PCDHA12: variants seen among roughly 807,000 people sequenced by gnomAD.
The protein encoded by PCDHA12 is protocadherin alpha-12.
A neutral mutation model predicts 60.0 loss-of-function variants in PCDHA12; 44 were observed. The ratio of observed to expected loss-of-function variants is 0.73; its 90% CI spans 0.58 to 0.94. The LOEUF (loss-of-function observed/expected upper bound fraction) is 0.94, where lower values mean the gene tolerates loss of function less well. PCDHA12 is among the 40% of genes least tolerant of loss of function. PCDHA12 has a pLI of 0.00. For missense variants in PCDHA12, 1,276 were observed against 1,239.7 expected (o/e 1.03, Z -0.44); for synonymous variants, 569 against 553.0 (o/e 1.03, Z -0.40).
At chr5:140,968,653 C>T (rs1301566656) in intron 1 of PCDHA12, 1 of 1,614,150 alleles carries the variant, frequency 6.2e-7, no homozygotes, top group Non-Finnish European at 8.5e-7. Flanking sequence ...AGACTTCTGA[C>T]CTGGACCTCT....
In PCDHA12 at chr5:140,994,514, G is replaced by A. The variant is rs186617066; in HGVS notation, c.2515+11951G>A. On this transcript the variant is annotated intron_variant, in intron 3 of 3. Transcript: ENST00000398631. Reference sequence around the variant, plus strand: ...ACCCAGGAGTTTGAGAACAGCCTGGGCAACATGGCAAAACCCCATCTCTAC... The same window carrying A: ...ACCCAGGAGTTTGAGAACAGCCTGGACAACATGGCAAAACCCCATCTCTAC... Among the ~76,000 whole-genome samples, 76 of 150,406 alleles carry A rather than the reference G, an allele frequency of 5.1e-4. 1 individual carries two copies. The highest frequency in any genetic ancestry group is 8.8e-5 in the Non-Finnish European group (6 of 67,822).
At chr5:140,904,164 T>C (rs1475689291) in intron 1 of PCDHA12, among the ~76,000 whole-genome samples, 1 of 152,078 alleles carries the variant, frequency 6.6e-6, no homozygotes, top group Non-Finnish European at 1.5e-5. Flanking sequence ...CAGTTTGTAG[T>C]CTTTTATTCC....
At chr5:140,971,778 G>C (rs1346530602) in intron 1 of PCDHA12, among the ~76,000 whole-genome samples, 2 of 151,860 alleles carry the variant, frequency 1.3e-5, no homozygotes, top group Non-Finnish European at 2.9e-5. Context: ...TATTATTCAA[G>C]ATTATTCAAT....
chr5:140,885,670 C>T (rs1351720729), intron 1 of PCDHA12, among the ~76,000 whole-genome samples: 2 of 152,138 alleles, frequency 1.3e-5, no homozygotes, highest in African/African-American at 4.8e-5. Flanking sequence ...TATGAGCACT[C>T]TTTCTATCTC....
chr5:141,004,604 C>A (rs1282201587), intron 3 of PCDHA12, among the ~76,000 whole-genome samples: 1 of 152,176 alleles, frequency 6.6e-6, no homozygotes, highest in African/African-American at 2.4e-5. Context: ...GTGCTTAGGC[C>A]TCATGCAGAG....
chr5:140,927,848 G>T (rs1295513512), intron 1 of PCDHA12: 2 of 1,614,180 alleles, frequency 1.2e-6, no homozygotes, highest in Middle Eastern at 3.3e-4. Context: ...GGTGTCTTTG[G>T]TTTAGCTAGC....
chr5:140,929,166 C>T (rs782695019), intron 1 of PCDHA12: 1 of 1,614,146 alleles, frequency 6.2e-7, no homozygotes, highest in Non-Finnish European at 8.5e-7. Context: ...TCTATCGGGC[C>T]TCTCTGGGAC....
chr5:140,886,095 T>C (rs1229514130), intron 1 of PCDHA12, among the ~76,000 whole-genome samples: 2 of 152,200 alleles, frequency 1.3e-5, no homozygotes, highest in Non-Finnish European at 2.9e-5. Flanking sequence ...ATATTGACAT[T>C]GATACAGTAA....
intron 1 of PCDHA12, among the ~76,000 whole-genome samples, chr5:140,946,626 A>G (rs2093985217): frequency 7.5e-6 from 1 of 132,480 alleles, no homozygotes; most frequent in Non-Finnish European, 1.6e-5. Context: ...ATATATATAT[A>G]TATATACAAT....
intron 1 of PCDHA12, chr5:140,926,742 C>A: frequency 8.3e-7 from 1 of 1,199,336 alleles, no homozygotes; most frequent in Non-Finnish European, 1.1e-6. Flanking sequence ...GGAGGCGCAA[C>A]GTCGGCGGTC....
intron 1 of PCDHA12, among the ~76,000 whole-genome samples, chr5:140,948,862 C>T (rs1419321480): frequency 6.6e-6 from 1 of 151,398 alleles, no homozygotes; most frequent in Admixed American, 6.6e-5. Context: ...TCTTATATTA[C>T]TTCGGGTTTA....
chr5:140,950,711 T>C (rs1173209854), intron 1 of PCDHA12, among the ~76,000 whole-genome samples: 2 of 152,094 alleles, frequency 1.3e-5, no homozygotes, highest in African/African-American at 4.8e-5. Flanking sequence ...TTTTTGTTCC[T>C]TATATCCTTA....
At chr5:140,975,940 G>A (rs562983011) in intron 1 of PCDHA12, among the ~76,000 whole-genome samples, 1 of 152,216 alleles carries the variant, frequency 6.6e-6, no homozygotes, top group Admixed American at 6.5e-5. Flanking sequence ...TGAAGCAATA[G>A]GACATATTAG....
At chr5:140,924,944 TAA>T (rs11334471) in intron 1 of PCDHA12, among the ~76,000 whole-genome samples, 87 of 142,948 alleles carry the variant, frequency 6.1e-4, no homozygotes, top group African/African-American at 2.0e-3. Flanking sequence ...AATAAAAAGT[TAA>T]AAAAAAAATG....
chr5:141,006,505 G>A (rs2098276412), intron 3 of PCDHA12, among the ~76,000 whole-genome samples: 2 of 152,020 alleles, frequency 1.3e-5, no homozygotes, highest in African/African-American at 4.8e-5. Flanking sequence ...GAGCCACCGC[G>A]CCTGGCTGTT....
At chr5:140,909,961 A>G (rs1407330494) in intron 1 of PCDHA12, among the ~76,000 whole-genome samples, 2 of 152,206 alleles carry the variant, frequency 1.3e-5, no homozygotes, top group Non-Finnish European at 2.9e-5. Flanking sequence ...GTAGGTCTCC[A>G]TGGGGAAGGA....
At chr5:140,884,659 A>G in intron 1 of PCDHA12, 1 of 1,597,068 alleles carries the variant, frequency 6.3e-7, no homozygotes, top group Non-Finnish European at 8.5e-7. Flanking sequence ...AATGCTTGAA[A>G]GAGGTAAGCT....
rs529065220 is a variant in PCDHA12, at chr5:140,930,291, C to T, written c.2368-48658C>T. On this transcript the variant is annotated intron_variant, in intron 1 of 3. Transcript: ENST00000398631. ...TATTTTAGGGGACAAATACACTTAA[C>T]AAATAAGTAAATATCATATTTGAGA... The T allele has an allele frequency of 2.6e-5, 4 of 152,208 alleles. No homozygotes were observed. The South Asian group carries it at 8.3e-4, about 32-fold the overall frequency. 9.4% of individuals were successfully genotyped at this position (152,208 alleles called of 1,614,324 possible). A position where few individuals can be genotyped will look rare whatever the true frequency, so the allele number is the denominator to read the frequency against.
At chr5:140,885,157 C>G (rs2060491561) in intron 1 of PCDHA12, among the ~76,000 whole-genome samples, 1 of 151,962 alleles carries the variant, frequency 6.6e-6, no homozygotes, top group African/African-American at 2.4e-5. Context: ...TTGATTGTCT[C>G]TACTTTTTTG....
Sources: allele counts gnomAD v4.1 joint callset (sites outside exome capture counted in the v4.1 genomes callset), GRCh38; gene constraint gnomAD v4.1.1; transcripts MANE v1.5; gene names NCBI Gene and HGNC (gene_info 2026-07-23, HGNC 2026-07-21).